CADM2: variants seen among roughly 807,000 people sequenced by gnomAD.
CADM2 encodes the protein cell adhesion molecule 2.
In CADM2, 12 loss-of-function variants were observed where a neutral mutation model predicts 49.8. That is an observed-to-expected ratio of 0.24 (90% CI 0.15 to 0.39). CADM2 has a LOEUF of 0.39. Ranked by LOEUF, CADM2 falls within the 10% of genes least tolerant of loss-of-function variation. The pLI, the probability that CADM2 is intolerant of heterozygous loss-of-function variation, is 1.00. For missense variants in CADM2, 378 were observed against 492.3 expected (o/e 0.77, Z 2.20); for synonymous variants, 214 against 175.4 (o/e 1.22, Z -1.74).
At chr3:85,315,701 A>C in intron 1 of CADM2, among the ~76,000 whole-genome samples, 1 of 152,216 alleles carries the variant, frequency 6.6e-6, no homozygotes, top group East Asian at 1.9e-4. Flanking sequence ...ACAAAAATTC[A>C]GTTCTGTGTA....
intron 1 of CADM2, among the ~76,000 whole-genome samples, chr3:85,099,469 ATTTT>A (rs56797775): frequency 6.9e-6 from 1 of 144,538 alleles, no homozygotes; most frequent in Admixed American, 6.9e-5. Flanking sequence ...CATGAATTAA[ATTTT>A]TTTTTTTTTT....
chr3:85,183,023 A>T (rs2040973477), intron 1 of CADM2, among the ~76,000 whole-genome samples: 1 of 152,170 alleles, frequency 6.6e-6, no homozygotes, highest in Admixed American at 6.6e-5. Flanking sequence ...TATTACATGA[A>T]GATAGCTCTA....
intron 1 of CADM2, among the ~76,000 whole-genome samples, chr3:85,074,013 G>A (rs1034306698): frequency 6.6e-6 from 1 of 151,928 alleles, no homozygotes; most frequent in Non-Finnish European, 1.5e-5. Context: ...TAAATGTAAC[G>A]TACAATTAAA....
chr3:85,632,274 C>T (rs1327823735), intron 1 of CADM2, among the ~76,000 whole-genome samples: 7 of 152,118 alleles, frequency 4.6e-5, no homozygotes, highest in Non-Finnish European at 7.4e-5. Context: ...CTCCTCCTTG[C>T]CTTCTGCCAT....
chr3:85,618,642 T>G (rs1287466876), intron 1 of CADM2, among the ~76,000 whole-genome samples: 3 of 152,148 alleles, frequency 2.0e-5, no homozygotes, highest in African/African-American at 2.4e-5. Flanking sequence ...TGTATTTGTG[T>G]GCCTCTCTCT....
chr3:85,658,576 G>GTATATATATATA lies in CADM2; in HGVS notation c.62-67915_62-67904dup, dbSNP rs397990421. Reference sequence around the variant, plus strand: ...CTCTATAAATATATTGGATATATGTGTATATATATATATATATATATATAT... The same window carrying GTATATATATATA: ...CTCTATAAATATATTGGATATATGTGTATATATATATATATATATATATATATATATATATAT... On this transcript the variant is annotated intron_variant, in intron 1 of 9. Transcript: ENST00000383699. Among the ~76,000 whole-genome samples the GTATATATATATA allele has an allele frequency of 1.2e-3, 81 of 68,720 alleles. 1 individual carries two copies. The highest frequency in any genetic ancestry group is 1.7e-3 in the South Asian group (3 of 1,780). 45.1% of individuals were successfully genotyped at this position (68,720 alleles called of 152,430 possible).
intron 3 of CADM2, among the ~76,000 whole-genome samples, chr3:85,811,458 G>A (rs760737876): frequency 2.0e-5 from 3 of 152,176 alleles, no homozygotes; most frequent in Non-Finnish European, 4.4e-5. Flanking sequence ...CATCTACTGT[G>A]TGATGGGCAC....
At chr3:85,663,360 G>T (rs9835176) in intron 1 of CADM2, among the ~76,000 whole-genome samples, 58,324 of 151,698 alleles carry the variant, frequency 0.38, 12,309 homozygotes, top group East Asian at 0.54. Context: ...CCCACTCAGC[G>T]CTTTTTTTCA....
At chr3:85,328,248 GCAAA>G (rs2044810624) in intron 1 of CADM2, among the ~76,000 whole-genome samples, 1 of 152,060 alleles carries the variant, frequency 6.6e-6, no homozygotes. Context: ...TGACCATGAA[GCAAA>G]CAAACAACCT....
chr3:85,961,473 G>C lies in CADM2; in HGVS notation c.796G>C (p.Glu266Gln), dbSNP rs775119535. The part of the protein sequence containing the change: ...TCESKGKPLP[E>Q]PVLWTKDGGE... The stretch of plus-strand genomic sequence containing the variant: ...ATGCATGTTTCAATCCAATAGGCCA[G>C]AACCTGTTTTGTGGACAAAGGATGG... Residue 266 changes from glutamate to glutamine, a missense_variant, in exon 8 of 10, where the codon GAA (glutamate) becomes CAA (glutamine). Glu to Gln is a conservative substitution (Grantham distance 29). Transcript: ENST00000383699. 11 of 1,592,124 alleles carry C rather than the reference G, an allele frequency of 6.9e-6. No homozygotes were observed. The highest frequency in any genetic ancestry group is 6.7e-5 in the Admixed American group (4 of 59,488).
chr3:85,246,556 A>G (rs2107848128), intron 1 of CADM2, among the ~76,000 whole-genome samples: 1 of 152,288 alleles, frequency 6.6e-6, no homozygotes, highest in East Asian at 1.9e-4. Context: ...GTTATTTAGC[A>G]TTTCTTATTT....
chr3:85,086,510 T>A (rs1027230173), intron 1 of CADM2, among the ~76,000 whole-genome samples: 1 of 24,382 alleles, frequency 4.1e-5, no homozygotes, highest in South Asian at 8.3e-4. Context: ...AAGAATAAAC[T>A]TTTTTTTTTT....
rs551332276 is a variant in CADM2 at position 85,559,393 on chromosome 3, A to G, written c.62-167129A>G. 5.9e-5 allele frequency among the ~76,000 whole-genome samples: 9 copies of G among 152,196 alleles called. No individual in the cohort carries two copies. In the South Asian group the frequency reaches 1.4e-3, roughly 24 times the overall value. On this transcript the variant is annotated intron_variant, in intron 1 of 9. Coordinates refer to ENST00000383699, the MANE Select transcript of CADM2 (RefSeq NM_001167675.2). ...CATTTCCTATTCAATATCTTAATGG[A>G]AATAGTCAGGCTAGCTTCTTAGGTG...
Position 85,574,362 on chromosome 3 carries a change from TGCTGCTAATGA to T in CADM2, c.62-152158_62-152148del, listed in dbSNP as rs1349855466. 3.9e-5 allele frequency among the ~76,000 whole-genome samples: 6 copies of T among 152,358 alleles called. No homozygotes were observed. In the South Asian group the frequency reaches 1.2e-3, roughly 32 times the overall value. The stretch of plus-strand genomic sequence containing the variant: ...AGCAAAAAATTGGCTTCCAGCTTTG[TGCTGCTAATGA>T]GGATTTTAGTTTGCAAGTATGCTTT... On this transcript the variant is annotated intron_variant, in intron 1 of 9. Transcript: ENST00000383699.
At chr3:85,917,543 C>T (rs1177028954) in intron 6 of CADM2, among the ~76,000 whole-genome samples, 1 of 152,096 alleles carries the variant, frequency 6.6e-6, no homozygotes, top group Non-Finnish European at 1.5e-5. Context: ...GTTTTGGTAC[C>T]AGTACCATGC....
intron 2 of CADM2, among the ~76,000 whole-genome samples, chr3:85,764,209 G>A (rs1577253515): frequency 6.6e-6 from 1 of 151,784 alleles, no homozygotes; most frequent in East Asian, 1.9e-4. Flanking sequence ...AAACATTTTT[G>A]TATGAACAGC....
intron 1 of CADM2, among the ~76,000 whole-genome samples, chr3:84,990,842 T>C (rs2032843594): frequency 6.6e-6 from 1 of 152,110 alleles, no homozygotes; most frequent in Admixed American, 6.5e-5. Flanking sequence ...ATTCCTATTT[T>C]CTAAGATGAC....
At chr3:85,312,251 A>G (rs1338580048) in intron 1 of CADM2, among the ~76,000 whole-genome samples, 1 of 152,084 alleles carries the variant, frequency 6.6e-6, no homozygotes, top group African/African-American at 2.4e-5. Context: ...ATTAATTATG[A>G]TAATAATTTT....
chr3:85,942,010 T>A (rs1721972152), intron 7 of CADM2, among the ~76,000 whole-genome samples: 1 of 152,154 alleles, frequency 6.6e-6, no homozygotes, highest in African/African-American at 2.4e-5. Context: ...TCAAGTTATA[T>A]GATCTTTCCC....
Sources: allele counts gnomAD v4.1 joint callset (sites outside exome capture counted in the v4.1 genomes callset), GRCh38; gene constraint gnomAD v4.1.1; transcripts MANE v1.5; gene names NCBI Gene and HGNC (gene_info 2026-07-23, HGNC 2026-07-21).